Variants in CHRM3 observed in about 807,000 individuals in gnomAD.
CHRM3 encodes the protein cholinergic receptor muscarinic 3, also known as muscarinic acetylcholine receptor M3.
A neutral mutation model predicts 41.8 loss-of-function variants in CHRM3; 11 were observed. The ratio of observed to expected loss-of-function variants is 0.26; its 90% CI spans 0.17 to 0.44. CHRM3 has a LOEUF of 0.44. CHRM3 is among the 20% of genes least tolerant of loss of function. CHRM3 has a pLI of 1.00. For missense variants in CHRM3, 571 were observed against 745.4 expected (o/e 0.77, Z 2.72); for synonymous variants, 297 against 301.4 (o/e 0.99, Z 0.15).
At chr1:239,417,801 G>C (rs1448024469) in intron 1 of CHRM3, among the ~76,000 whole-genome samples, 1 of 151,932 alleles carries the variant, frequency 6.6e-6, no homozygotes, top group Non-Finnish European at 1.5e-5. Flanking sequence ...TTTAGCCCTG[G>C]ACAAATGCAA....
At position 239,741,407 on chromosome 1, in the gene CHRM3, A is replaced by G. The variant is rs138331821; in HGVS notation, c.-147+63119A>G. On this transcript the variant is annotated intron_variant, in intron 5 of 6. Coordinates refer to ENST00000676153, the MANE Select transcript of CHRM3 (RefSeq NM_001375978.1). ...CAGGTATAGGGTGGACATTTCTCACATGAGGGTCTTATGACCTTCTTCAAG... is the reference window on the plus strand; with the variant it reads ...CAGGTATAGGGTGGACATTTCTCACGTGAGGGTCTTATGACCTTCTTCAAG... Among the ~76,000 whole-genome samples, 478 of 152,238 alleles carry G rather than the reference A, an allele frequency of 3.1e-3. 5 individuals carry two copies. The highest frequency in any genetic ancestry group is 0.011 in the African/African-American group (451 of 41,548).
intron 2 of CHRM3, among the ~76,000 whole-genome samples, chr1:239,507,608 T>A (rs2148177658): frequency 6.6e-6 from 1 of 152,356 alleles, no homozygotes; most frequent in Middle Eastern, 3.4e-3. Context: ...GATGAAAACA[T>A]AAAGATATCA....
rs892758201 is a variant in CHRM3, at chr1:239,386,872, G to A, written c.-876G>A. 1 of 151,944 alleles carries A rather than the reference G, an allele frequency of 6.6e-6. No homozygotes were observed. Among genetic ancestry groups the A allele is most frequent in the African/African-American group, 2.4e-5 (1 of 41,398 alleles). 9.4% of individuals were successfully genotyped at this position (151,944 alleles called of 1,614,324 possible). A position where few individuals can be genotyped will look rare whatever the true frequency, so the allele number is the denominator to read the frequency against. On this transcript the variant is annotated 5_prime_UTR_variant, in exon 1 of 7. Transcript: ENST00000676153. ...GGCGCGGGGGCGGCACTGCCGAGCC[G>A]GGAGCGCTGCCGCTTGGGCAGGTGC...
In CHRM3 at chr1:239,425,942, G is replaced by T. The variant is rs545738481; in HGVS notation, c.-521+38715G>T. Reference sequence around the variant, plus strand: ...GCTGAAGCCAGCTCATACCAGCTCAGGAGAGCCAGTTGTTCACATCTTTTT... The same window carrying T: ...GCTGAAGCCAGCTCATACCAGCTCATGAGAGCCAGTTGTTCACATCTTTTT... On this transcript the variant is annotated intron_variant, in intron 1 of 6. Coordinates refer to ENST00000676153, the MANE Select transcript of CHRM3 (RefSeq NM_001375978.1). 9.9e-5 allele frequency among the ~76,000 whole-genome samples: 15 copies of T among 152,152 alleles called. No individual in the cohort carries two copies. The South Asian group carries it at 2.9e-3, about 29-fold the overall frequency.
chr1:239,507,419 G>A (rs1668646328), intron 2 of CHRM3, among the ~76,000 whole-genome samples: 1 of 152,180 alleles, frequency 6.6e-6, no homozygotes, highest in Non-Finnish European at 1.5e-5. Context: ...CACCATGTGA[G>A]ACATGCCTCC....
At chr1:239,634,760 T>G (rs1239697167) in intron 4 of CHRM3, among the ~76,000 whole-genome samples, 3 of 152,148 alleles carry the variant, frequency 2.0e-5, no homozygotes, top group Non-Finnish European at 2.9e-5. Context: ...AGGCATTGAG[T>G]AAGGCACGGA....
intron 4 of CHRM3, among the ~76,000 whole-genome samples, chr1:239,643,112 T>C (rs911192807): frequency 6.6e-6 from 1 of 152,164 alleles, no homozygotes; most frequent in Non-Finnish European, 1.5e-5. Context: ...TGCTGTCTGA[T>C]CGTTCCTCTG....
intron 2 of CHRM3, among the ~76,000 whole-genome samples, chr1:239,542,316 C>T (rs1205287954): frequency 6.6e-6 from 1 of 151,934 alleles, no homozygotes; most frequent in Non-Finnish European, 1.5e-5. Context: ...TAGCAGTTTA[C>T]CAGATAAATA....
intron 1 of CHRM3, among the ~76,000 whole-genome samples, chr1:239,422,694 C>T (rs977687614): frequency 2.6e-5 from 4 of 151,688 alleles, no homozygotes; most frequent in African/African-American, 9.7e-5. Flanking sequence ...ACTCAGGAGG[C>T]TGAGGCAGGA....
chr1:239,461,072 G>T lies in CHRM3; in HGVS notation c.-520-31637G>T, dbSNP rs1255786618. On this transcript the variant is annotated intron_variant, in intron 1 of 6. Coordinates refer to ENST00000676153, the MANE Select transcript of CHRM3 (RefSeq NM_001375978.1). Reference sequence around the variant, plus strand: ...TTCTTCTAAGAGCCAACATGACGGGGTCCATGTATGCAGCTCATTATTTTG... The same window carrying T: ...TTCTTCTAAGAGCCAACATGACGGGTTCCATGTATGCAGCTCATTATTTTG... Among the ~76,000 whole-genome samples, 4 of 152,094 alleles carry T rather than the reference G, an allele frequency of 2.6e-5. No individual in the cohort carries two copies. In the East Asian group the frequency reaches 7.7e-4, roughly 29 times the overall value.
At chr1:239,438,633 T>G (rs1663459364) in intron 1 of CHRM3, among the ~76,000 whole-genome samples, 1 of 152,174 alleles carries the variant, frequency 6.6e-6, no homozygotes, top group Admixed American at 6.5e-5. Context: ...TGCGATTATT[T>G]TTGAGATTTG....
At position 239,407,424 on chromosome 1, in the gene CHRM3, AG is replaced by A. The variant is rs1200342342; in HGVS notation, c.-521+20198del. ...ACTATAAATATATATATATAGAGAGAGAGAGAGAGAGAGAGAGCGCTAAATT... is the reference window on the plus strand; with the variant it reads ...ACTATAAATATATATATATAGAGAGAAGAGAGAGAGAGAGAGCGCTAAATT... On this transcript the variant is annotated intron_variant, in intron 1 of 6. Coordinates refer to ENST00000676153, the MANE Select transcript of CHRM3 (RefSeq NM_001375978.1). Among the ~76,000 whole-genome samples the A allele has an allele frequency of 2.4e-3, 362 of 148,358 alleles. 6 individuals carry two copies. Among genetic ancestry groups the A allele is most frequent in the African/African-American group, 8.9e-3 (352 of 39,714 alleles).
At chr1:239,690,573 G>T (rs1406168807) in intron 5 of CHRM3, among the ~76,000 whole-genome samples, 1 of 151,598 alleles carries the variant, frequency 6.6e-6, no homozygotes, top group African/African-American at 2.4e-5. Context: ...TAATCACCAA[G>T]AAAAGGGGCT....
chr1:239,603,705 G>C (rs1043855323), intron 3 of CHRM3, among the ~76,000 whole-genome samples: 3 of 151,952 alleles, frequency 2.0e-5, no homozygotes, highest in Non-Finnish European at 4.4e-5. Context: ...TTCGCTCACA[G>C]GGTACTTCCA....
intron 3 of CHRM3, among the ~76,000 whole-genome samples, chr1:239,619,838 G>A (rs1668160580): frequency 6.6e-6 from 1 of 151,936 alleles, no homozygotes; most frequent in African/African-American, 2.4e-5. Flanking sequence ...GGGATTCAGG[G>A]TGGGGGTGGA....
In CHRM3 at chr1:239,864,729, A is replaced by C. The variant is rs1467856074; in HGVS notation, c.-20+37351A>C. 4.6e-5 allele frequency among the ~76,000 whole-genome samples: 7 copies of C among 152,306 alleles called. 1 individual carries two copies. In the East Asian group the frequency reaches 1.4e-3, roughly 29 times the overall value. ...AAATTTTTCTGAAGGTGCTGCAACC[A>C]ACCAGACAAGAATCTAGAAAAATGG... On this transcript the variant is annotated intron_variant, in intron 6 of 6. Coordinates refer to ENST00000676153, the MANE Select transcript of CHRM3 (RefSeq NM_001375978.1).
chr1:239,821,315 G>A (rs1177465432), intron 5 of CHRM3, among the ~76,000 whole-genome samples: 4 of 152,210 alleles, frequency 2.6e-5, no homozygotes, highest in Non-Finnish European at 5.9e-5. Flanking sequence ...TTTGTAATCT[G>A]TGCCTCAGTT....
At chr1:239,723,668 T>C (rs1328193452) in intron 5 of CHRM3, among the ~76,000 whole-genome samples, 4 of 151,980 alleles carry the variant, frequency 2.6e-5, no homozygotes, top group Non-Finnish European at 5.9e-5. Flanking sequence ...TTGCAGGATA[T>C]AAGGTGATTA....
intron 5 of CHRM3, chr1:239,704,977 G>C (rs1661011680): frequency 6.6e-6 from 1 of 152,248 alleles, no homozygotes; most frequent in Non-Finnish European, 1.5e-5. Flanking sequence ...AAGACAGGAG[G>C]ATGACTTAAG....
Sources: allele counts gnomAD v4.1 joint callset (sites outside exome capture counted in the v4.1 genomes callset), GRCh38; gene constraint gnomAD v4.1.1; transcripts MANE v1.5; gene names NCBI Gene and HGNC (gene_info 2026-07-23, HGNC 2026-07-21).